The following PVT1 variants were observed in gnomAD, a reference collection of about 807,000 sequenced individuals.
PVT1 encodes Pvt1 oncogene.
chr8:127,880,596 CTTTTTTT>C (rs35252729), intron 2 of PVT1, among the ~76,000 whole-genome samples: 1 of 108,068 alleles, frequency 9.3e-6, no homozygotes, highest in South Asian at 3.4e-4. Flanking sequence ...GCCCCCGGCC[CTTTTTTT>C]TTTTTTTTTT....
intron 2 of PVT1, among the ~76,000 whole-genome samples, chr8:127,865,493 C>T (rs552468533): frequency 6.6e-6 from 1 of 152,276 alleles, no homozygotes; most frequent in Non-Finnish European, 1.5e-5. Context: ...AGAGTCCTTA[C>T]AAGTGGGCGA....
At chr8:127,996,929 A>C (rs944409508) in intron 4 of PVT1, among the ~76,000 whole-genome samples, 3 of 151,442 alleles carry the variant, frequency 2.0e-5, no homozygotes, top group Non-Finnish European at 4.4e-5. Context: ...TCCTCTGCAG[A>C]GTGGCCTGTT....
chr8:127,851,029 TAAAA>T (rs1182091235), intron 2 of PVT1, among the ~76,000 whole-genome samples: 3 of 141,300 alleles, frequency 2.1e-5, no homozygotes, highest in Non-Finnish European at 4.4e-5. Context: ...TAAAAAAAAA[TAAAA>T]AAAGATAAAA....
intron 4 of PVT1, among the ~76,000 whole-genome samples, chr8:128,014,204 T>TG (rs2130041225): frequency 1.3e-5 from 2 of 152,344 alleles, no homozygotes; most frequent in Admixed American, 1.3e-4. Flanking sequence ...GCCTGACACA[T>TG]GGCAGGTGCA....
At chr8:128,070,035 A>T (rs1180787077) in intron 4 of PVT1, 1 of 152,044 alleles carries the variant, frequency 6.6e-6, no homozygotes, top group African/African-American at 2.4e-5. Flanking sequence ...CAGGCCCTGC[A>T]TGAGGGCCTG....
At chr8:127,951,818 CTT>C (rs142500841) in intron 3 of PVT1, among the ~76,000 whole-genome samples, 100 of 144,658 alleles carry the variant, frequency 6.9e-4, no homozygotes, top group Non-Finnish European at 6.8e-4. Flanking sequence ...AACAGAATTC[CTT>C]TTTTTTTTTT....
At chr8:128,097,492 CA>C (rs1371093352) in intron 6 of PVT1, among the ~76,000 whole-genome samples, 1 of 152,138 alleles carries the variant, frequency 6.6e-6, no homozygotes, top group East Asian at 1.9e-4. Flanking sequence ...GAATATTCAG[CA>C]GAGACCATCT....
At chr8:127,811,169 G>C (rs1179030256) in intron 2 of PVT1, among the ~76,000 whole-genome samples, 1 of 152,152 alleles carries the variant, frequency 6.6e-6, no homozygotes, top group Non-Finnish European at 1.5e-5. Flanking sequence ...TTAGATTCCA[G>C]CTCCCTCCTC....
chr8:127,958,394 C>T (rs1439246805), intron 3 of PVT1, among the ~76,000 whole-genome samples: 3 of 152,152 alleles, frequency 2.0e-5, no homozygotes, highest in African/African-American at 7.2e-5. Flanking sequence ...TGCACACCGC[C>T]ATGCCCAGTT....
At chr8:127,959,234 T>C (rs1816607914) in intron 3 of PVT1, among the ~76,000 whole-genome samples, 1 of 152,190 alleles carries the variant, frequency 6.6e-6, no homozygotes, top group Non-Finnish European at 1.5e-5. Context: ...ACGCATTTAG[T>C]GGGCATTTAT....
chr8:127,832,665 T>C (rs1347430723), intron 2 of PVT1, among the ~76,000 whole-genome samples: 6 of 152,174 alleles, frequency 3.9e-5, no homozygotes, highest in East Asian at 1.9e-4. Context: ...GAGACCATCC[T>C]GGCTAACATG....
At chr8:127,895,116 C>T (rs534934083) in intron 3 of PVT1, among the ~76,000 whole-genome samples, 1 of 152,256 alleles carries the variant, frequency 6.6e-6, no homozygotes, top group East Asian at 1.9e-4. Flanking sequence ...GTAAATATTT[C>T]CACTATGCAA....
chr8:128,043,805 T>C (rs867142042), intron 4 of PVT1, among the ~76,000 whole-genome samples: 16 of 124,356 alleles, frequency 1.3e-4, no homozygotes, highest in South Asian at 5.2e-4. Flanking sequence ...CACACACACA[T>C]ACACAAGGAG....
At chr8:127,908,198 G>A (rs1020775765) in intron 3 of PVT1, among the ~76,000 whole-genome samples, 1 of 151,986 alleles carries the variant, frequency 6.6e-6, no homozygotes, top group African/African-American at 2.4e-5. Context: ...TTAGTATTCC[G>A]TACACAGTCC....
chr8:127,952,410 G>T (rs377298934), intron 3 of PVT1, among the ~76,000 whole-genome samples: 1 of 152,218 alleles, frequency 6.6e-6, no homozygotes. Context: ...TGAGCTCTGA[G>T]GCTGTCTTAA....
chr8:127,812,270 G>A (rs975285278), intron 2 of PVT1, among the ~76,000 whole-genome samples: 2 of 150,062 alleles, frequency 1.3e-5, no homozygotes, highest in East Asian at 4.0e-4. Context: ...AAGGCAGGAA[G>A]GAAGGAAGGA....
At chr8:128,045,781 G>T (rs1487324878) in intron 4 of PVT1, among the ~76,000 whole-genome samples, 1 of 152,220 alleles carries the variant, frequency 6.6e-6, no homozygotes, top group East Asian at 1.9e-4. Context: ...CAAGGATGGG[G>T]ATGCTTTCCT....
chr8:127,881,145 GA>G (rs147341244), intron 2 of PVT1, among the ~76,000 whole-genome samples: 2,716 of 152,302 alleles, frequency 0.018, 82 homozygotes, highest in African/African-American at 0.061. Context: ...GCAAAGTGCA[GA>G]AGGAAATCAA....
Position 128,018,907 on chromosome 8 carries a change from A to G in PVT1, n.912+29616A>G, listed in dbSNP as rs72720871. On this transcript the variant is annotated intron_variant and non_coding_transcript_variant, in intron 4 of 10. Transcript: ENST00000651587. ...AAGATTGTTCCTTGATAATCCTAGT[A>G]TGATTCATAATGGTTGCAGCAGATG... 5.7e-3 allele frequency among the ~76,000 whole-genome samples: 867 copies of G among 152,308 alleles called. 17 individuals carry two copies. In the East Asian group the frequency reaches 0.072, roughly 13 times the overall value.
Sources: gnomAD v4.1 joint callset for allele counts (sites outside exome capture counted in the v4.1 genomes callset) on GRCh38, gnomAD v4.1.1 for gene constraint, MANE v1.5 for transcripts, NCBI Gene and HGNC (gene_info 2026-07-23, HGNC 2026-07-21) for gene names.